Variants in CDH6 observed in about 807,000 individuals in gnomAD.
CDH6 encodes the protein cadherin 6, also known as cadherin-6.
Under a neutral mutation model 78.0 loss-of-function variants are expected in CDH6, and 31 were observed. The ratio of observed to expected loss-of-function variants is 0.40; its 90% confidence interval spans 0.30 to 0.54. The LOEUF is 0.54. Ranked by LOEUF, CDH6 falls within the 20% of genes least tolerant of loss-of-function variation. The pLI, the probability that CDH6 is intolerant of heterozygous loss-of-function variation, is 0.56. For missense variants in CDH6, 724 were observed against 975.9 expected (o/e 0.74, Z 3.44); for synonymous variants, 376 against 368.8 (o/e 1.02, Z -0.23).
chr5:31,242,654 C>T (rs1333268523), intron 1 of CDH6, among the ~76,000 whole-genome samples: 2 of 149,918 alleles, frequency 1.3e-5, no homozygotes, highest in Non-Finnish European at 3.0e-5. Flanking sequence ...TCTGATAGAA[C>T]TAAACTGCAG....
chr5:31,258,608 C>T (rs1005949411), intron 1 of CDH6, among the ~76,000 whole-genome samples: 1 of 151,744 alleles, frequency 6.6e-6, no homozygotes, highest in Admixed American at 6.6e-5. Context: ...GCATGTTCTG[C>T]ACGTGTACCC....
intron 2 of CDH6, 119 bp from the exon 3 acceptor site, chr5:31,293,843 A>AAAT: frequency 1.7e-6 from 1 of 577,886 alleles, no homozygotes. Context: ...AAAAAAAAAA[A>AAAT]CTTGTATTCC....
At chr5:31,216,121 C>A (rs759112167) in intron 1 of CDH6, among the ~76,000 whole-genome samples, 38 of 150,468 alleles carry the variant, frequency 2.5e-4, no homozygotes, top group Non-Finnish European at 4.7e-4. Flanking sequence ...AGTTTTGGAA[C>A]TTAAAATACA....
chr5:31,215,798 C>T (rs1257181056), intron 1 of CDH6, among the ~76,000 whole-genome samples: 1 of 152,126 alleles, frequency 6.6e-6, no homozygotes, highest in African/African-American at 2.4e-5. Context: ...AAAGGCTTTG[C>T]ACAGTTCTTG....
At position 31,327,466 on chromosome 5, in the gene CDH6, G is replaced by A. The variant is rs1406620560; in HGVS notation, c.*4158G>A. 1 of 191,510 alleles carries A rather than the reference G, an allele frequency of 5.2e-6. No individual in the cohort carries two copies. The highest frequency in any genetic ancestry group is 2.3e-5 in the African/African-American group (1 of 43,030). The allele number at this position is 191,510 out of a possible 1,614,324, so 11.9% of individuals were successfully genotyped here. A position where few individuals can be genotyped will look rare whatever the true frequency, so the allele number is the denominator to read the frequency against. ...ATTATAGTGTAATCTTAATTTTTAT[G>A]TTTTATCAAGATGAAATCTTGTTTG... is the stretch of plus-strand genomic sequence containing the variant. On this transcript the variant is annotated 3_prime_UTR_variant, in exon 12 of 12. Transcript: ENST00000265071.
intron 1 of CDH6, among the ~76,000 whole-genome samples, chr5:31,204,384 C>A (rs1488674367): frequency 6.6e-6 from 1 of 152,104 alleles, no homozygotes; most frequent in Non-Finnish European, 1.5e-5. Context: ...TCTCCCCAAA[C>A]GTAACGCTAG....
chr5:31,199,528 GTGTATATATATGTATACACACATA>G (rs1485531672), intron 1 of CDH6, among the ~76,000 whole-genome samples: 7 of 135,434 alleles, frequency 5.2e-5, no homozygotes, highest in Non-Finnish European at 7.9e-5. Context: ...ACACACATAT[GTGTATATATATGTATACACACATA>G]TGTGTATATA....
intron 1 of CDH6, among the ~76,000 whole-genome samples, chr5:31,201,736 G>A (rs1740354229): frequency 6.6e-6 from 1 of 152,138 alleles, no homozygotes; most frequent in Non-Finnish European, 1.5e-5. Context: ...AGAAATGATT[G>A]ACCTGGTTCT....
chr5:31,312,016 C>T (rs763745823), intron 7 of CDH6, among the ~76,000 whole-genome samples: 1 of 152,226 alleles, frequency 6.6e-6, no homozygotes, highest in Non-Finnish European at 1.5e-5. Flanking sequence ...TGGTTTCCCT[C>T]AAATTTATTC....
In CDH6 at chr5:31,325,564, T is replaced by G. The variant is rs568520856; in HGVS notation, c.*2256T>G. On this transcript the variant is annotated 3_prime_UTR_variant, in exon 12 of 12. Coordinates refer to ENST00000265071, the MANE Select transcript of CDH6 (RefSeq NM_004932.4). ...ACGTAACAAATTGAATCAAGGAAGA[T>G]AGTCCTGTAAAAAGAAAGGTATCAT... 1 of 230,942 alleles carries G rather than the reference T, an allele frequency of 4.3e-6. No individual in the cohort carries two copies. Among genetic ancestry groups the G allele is most frequent in the African/African-American group, 2.2e-5 (1 of 45,248 alleles). 14.3% of individuals were successfully genotyped at this position (230,942 alleles called of 1,614,324 possible). A position where few individuals can be genotyped will look rare whatever the true frequency, so the allele number is the denominator to read the frequency against.
chr5:31,243,527 C>T lies in CDH6; in HGVS notation c.-128-23819C>T, dbSNP rs78479178. On this transcript the variant is annotated intron_variant, in intron 1 of 11. Coordinates refer to ENST00000265071, the MANE Select transcript of CDH6 (RefSeq NM_004932.4). ...TCTCCCTAAGACTCACGTCTGAGTC[C>T]CTGGGGGACAAATCCAAGTGACAGC... is the stretch of plus-strand genomic sequence containing the variant. Among the ~76,000 whole-genome samples the T allele has an allele frequency of 6.7e-3, 1,013 of 152,284 alleles. 73 individuals are homozygous for T. In the East Asian group the frequency reaches 0.15, roughly 22 times the overall value.
At chr5:31,199,685 G>GTATATATATATATATATATATA (rs1554035032) in intron 1 of CDH6, among the ~76,000 whole-genome samples, 1 of 79,858 alleles carries the variant, frequency 1.3e-5, no homozygotes, top group African/African-American at 4.7e-5. Flanking sequence ...GTGTGTGTGT[G>GTATATATATATATATATATATA]TATATATATA....
chr5:31,254,310 T>G (rs1282466486), intron 1 of CDH6, among the ~76,000 whole-genome samples: 1 of 152,152 alleles, frequency 6.6e-6, no homozygotes, highest in Non-Finnish European at 1.5e-5. Context: ...TTCCTTTAAG[T>G]GAAAAGGTGA....
At position 31,306,447 on chromosome 5, in the gene CDH6, C is replaced by G. The variant is rs917523307; in HGVS notation, c.1253+1020C>G. Among the ~76,000 whole-genome samples, 3 of 152,280 alleles carry G rather than the reference C, an allele frequency of 2.0e-5. No homozygotes were observed. The South Asian group carries it at 6.2e-4, about 32-fold the overall frequency. On this transcript the variant is annotated intron_variant, in intron 7 of 11. Coordinates refer to ENST00000265071, the MANE Select transcript of CDH6 (RefSeq NM_004932.4). ...AATGCTGGAGTCAACCAACCTCCAG[C>G]CTTCAGCCAGTAGCTTAGTTGACTA...
intron 2 of CDH6, among the ~76,000 whole-genome samples, chr5:31,274,752 A>G (rs1474169358): frequency 6.6e-6 from 1 of 152,238 alleles, no homozygotes. Flanking sequence ...CCTGGGAGGC[A>G]AAGGTTGCAG....
intron 1 of CDH6, among the ~76,000 whole-genome samples, chr5:31,203,216 G>A (rs1740410006): frequency 1.4e-5 from 2 of 146,830 alleles, no homozygotes; most frequent in South Asian, 4.4e-4. Context: ...GAGAGAGAGA[G>A]ATGTTTCAGG....
At chr5:31,315,530 C>G (rs1738295548) in intron 8 of CDH6, among the ~76,000 whole-genome samples, 1 of 152,232 alleles carries the variant, frequency 6.6e-6, no homozygotes, top group Non-Finnish European at 1.5e-5. Flanking sequence ...TATCTCAGGT[C>G]TGCAAACATT....
chr5:31,292,357 G>A (rs1401889284), intron 2 of CDH6, among the ~76,000 whole-genome samples: 1 of 152,154 alleles, frequency 6.6e-6, no homozygotes, highest in African/African-American at 2.4e-5. Context: ...GAAAGAGGCC[G>A]TATATAAAGT....
chr5:31,252,581 G>A (rs756938092), intron 1 of CDH6, among the ~76,000 whole-genome samples: 2 of 152,130 alleles, frequency 1.3e-5, no homozygotes, highest in Non-Finnish European at 2.9e-5. Flanking sequence ...ATTGGTAGGT[G>A]TGCAAATATA....
Sources: gnomAD v4.1 joint callset for allele counts (sites outside exome capture counted in the v4.1 genomes callset) on GRCh38, gnomAD v4.1.1 for gene constraint, MANE v1.5 for transcripts, NCBI Gene and HGNC (gene_info 2026-07-23, HGNC 2026-07-21) for gene names.